Variants in NSUN7 observed in about 807,000 individuals in gnomAD.
The protein encoded by NSUN7 is protein NSUN7.
Under a neutral mutation model 58.5 loss-of-function variants are expected in NSUN7, and 39 were observed. The observed-to-expected ratio is 0.67, with a 90% confidence interval of 0.52 to 0.87. The LOEUF (loss-of-function observed/expected upper bound fraction) is 0.87, where lower values mean the gene tolerates loss of function less well. Among genes scored for constraint, NSUN7 ranks in the 40% least tolerant of loss-of-function variants. NSUN7 has a pLI of 0.00. For synonymous variants in NSUN7, 278 were observed against 303.7 expected (o/e 0.92, Z 0.88); for missense variants, 765 against 844.1 (o/e 0.91, Z 1.16).
rs544748793 is a variant in NSUN7 at position 40,797,630 on chromosome 4, C to T, written c.1283-1157C>T. 2.0e-5 allele frequency among the ~76,000 whole-genome samples: 3 copies of T among 152,326 alleles called. No homozygotes were observed. The South Asian group carries it at 6.2e-4, about 32-fold the overall frequency. On this transcript the variant is annotated intron_variant, in intron 9 of 11. Transcript: ENST00000381782. The stretch of plus-strand genomic sequence containing the variant: ...TTATATCCAGAATATATCCAGCTAC[C>T]TCCACCACTACCACGGTGTCCAAAC...
chr4:40,760,589 G>A (rs529945145), intron 3 of NSUN7, 97 bp downstream of exon 3: 37 of 969,162 alleles, frequency 3.8e-5, no homozygotes, highest in Admixed American at 9.7e-5. Flanking sequence ...GAGGCCGGGC[G>A]CAGTGGCTCA....
At chr4:40,797,146 C>T (rs568626363) in intron 9 of NSUN7, among the ~76,000 whole-genome samples, 1 of 152,314 alleles carries the variant, frequency 6.6e-6, no homozygotes, top group South Asian at 2.1e-4. Flanking sequence ...CAGGCCTTCT[C>T]TCTGGCCTCC....
intron 7 of NSUN7, among the ~76,000 whole-genome samples, chr4:40,780,062 C>T (rs1309533061): frequency 3.9e-5 from 6 of 152,138 alleles, no homozygotes; most frequent in African/African-American, 1.4e-4. Flanking sequence ...AGGAGGATCA[C>T]CTGCGGCCAG....
intron 4 of NSUN7, among the ~76,000 whole-genome samples, chr4:40,765,564 G>A (rs1470431683): frequency 2.0e-5 from 3 of 151,972 alleles, no homozygotes; most frequent in Non-Finnish European, 2.9e-5. Flanking sequence ...GGCGATGTGG[G>A]CTCTTTTTTG....
At chr4:40,767,577 G>T (rs985439161) in intron 4 of NSUN7, among the ~76,000 whole-genome samples, 1 of 152,168 alleles carries the variant, frequency 6.6e-6, no homozygotes, top group Non-Finnish European at 1.5e-5. Context: ...GGGGTGGAGA[G>T]TTCTGTAGAT....
Position 40,790,719 on chromosome 4 carries a change from T to C in NSUN7, c.1154T>C (p.Val385Ala). 5.1e-6 allele frequency: 8 copies of C among 1,583,194 alleles called. No homozygotes were observed. The highest frequency in any genetic ancestry group is 6.0e-6 in the Non-Finnish European group (7 of 1,169,672). ...RCSGLGVSNPVEFILNEHEDT... is the reference protein window; with the variant it reads ...RCSGLGVSNPAEFILNEHEDT... ...TCAGGACTGGGTGTTAGTAATCCAGTAGAATTTATTTTAAATGAACATGAA... is the reference window on the plus strand; with the variant it reads ...TCAGGACTGGGTGTTAGTAATCCAGCAGAATTTATTTTAAATGAACATGAA... The change falls in exon 8 of 12, where the codon GTA becomes GCA. Residue 385 changes from valine (V) to alanine (A), a missense_variant. Val to Ala is a moderately conservative substitution (Grantham distance 64). Coordinates refer to ENST00000381782, the MANE Select transcript of NSUN7 (RefSeq NM_024677.6).
Position 40,799,073 on chromosome 4 carries a change from CTTTT to C in NSUN7, c.1400+195_1400+198del, listed in dbSNP as rs761448412. Among the ~76,000 whole-genome samples, 23 of 76,246 alleles carry C rather than the reference CTTTT, an allele frequency of 3.0e-4. 1 individual carries two copies. In the South Asian group the frequency reaches 3.6e-3, roughly 12 times the overall value. 50.0% of individuals were successfully genotyped at this position (76,246 alleles called of 152,430 possible). A position where few individuals can be genotyped will look rare whatever the true frequency, so the allele number is the denominator to read the frequency against. ...AACCAAGATTCCATAGGGCCTTTTT[CTTTT>C]TTTTTTTTTTTTTTTTTTTTTTTTT... is the stretch of plus-strand genomic sequence containing the variant. On this transcript the variant is annotated intron_variant, in intron 10 of 11. Coordinates refer to ENST00000381782, the MANE Select transcript of NSUN7 (RefSeq NM_024677.6).
chr4:40,770,410 T>C (rs1449187960), intron 4 of NSUN7, among the ~76,000 whole-genome samples: 3 of 152,130 alleles, frequency 2.0e-5, no homozygotes, highest in African/African-American at 7.2e-5. Flanking sequence ...CTGCACAGCA[T>C]GTTATGTACT....
At chr4:40,798,764 C>T (rs920848096) in intron 9 of NSUN7, 23 bp from the exon 10 acceptor site, 2 of 1,306,978 alleles carry the variant, frequency 1.5e-6, no homozygotes, top group Non-Finnish European at 2.2e-6. Flanking sequence ...TTGTTACAGT[C>T]ATTGCATCTT....
chr4:40,757,683 TAC>T (rs1207336811), intron 2 of NSUN7, among the ~76,000 whole-genome samples: 1 of 143,440 alleles, frequency 7.0e-6, no homozygotes, highest in African/African-American at 2.6e-5. Flanking sequence ...TGTATATATA[TAC>T]ACACTGTGTA....
intron 7 of NSUN7, among the ~76,000 whole-genome samples, chr4:40,780,712 A>G (rs1022389545): frequency 7.3e-5 from 11 of 150,496 alleles, no homozygotes; most frequent in African/African-American, 2.7e-4. Flanking sequence ...GCTTACATAC[A>G]TTATATACAT....
intron 7 of NSUN7, among the ~76,000 whole-genome samples, chr4:40,789,315 A>G: frequency 6.6e-6 from 1 of 152,226 alleles, no homozygotes; most frequent in South Asian, 2.1e-4. Flanking sequence ...TTAAGAAAAA[A>G]TGAAGGGAGA....
chr4:40,768,654 T>TTTC (rs1741852216), intron 4 of NSUN7, among the ~76,000 whole-genome samples: 3 of 152,332 alleles, frequency 2.0e-5, no homozygotes, highest in Non-Finnish European at 4.4e-5. Context: ...CATGTATCTT[T>TTTC]TTCTTCACTT....
intron 10 of NSUN7, among the ~76,000 whole-genome samples, chr4:40,805,053 G>A (rs1233532905): frequency 1.3e-5 from 2 of 152,046 alleles, no homozygotes; most frequent in African/African-American, 4.8e-5. Context: ...CCACGGCAGC[G>A]AGCTCACTTC....
intron 7 of NSUN7, among the ~76,000 whole-genome samples, chr4:40,781,073 A>G (rs1402510157): frequency 6.7e-6 from 1 of 148,336 alleles, no homozygotes; most frequent in Non-Finnish European, 1.5e-5. Context: ...CCGCCTCGGC[A>G]TATATATATA....
chr4:40,766,477 G>A (rs1285085266), intron 4 of NSUN7, among the ~76,000 whole-genome samples: 6 of 151,768 alleles, frequency 4.0e-5, no homozygotes, highest in African/African-American at 7.3e-5. Flanking sequence ...TGCTGGATTC[G>A]GTTTGCCAGT....
In NSUN7 at chr4:40,790,733, AATGAAC is replaced by A. The variant is rs1332938770; in HGVS notation, c.1174_1179del (p.His392_Glu393del). The A allele has an allele frequency of 6.3e-7, 1 of 1,580,152 alleles. No homozygotes were observed. Among genetic ancestry groups the A allele is most frequent in the Non-Finnish European group, 8.6e-7 (1 of 1,168,342 alleles). On this transcript the variant is annotated inframe_deletion, in exon 8 of 12. Coordinates refer to ENST00000381782, the MANE Select transcript of NSUN7 (RefSeq NM_024677.6). ...TAGTAATCCAGTAGAATTTATTTTA[AATGAAC>A]ATGAAGGTACTTGTTTTAATTTCTA...
chr4:40,757,750 A>G (rs1741240950), intron 2 of NSUN7, among the ~76,000 whole-genome samples: 1 of 146,652 alleles, frequency 6.8e-6, no homozygotes, highest in East Asian at 2.0e-4. Flanking sequence ...ACACACACAC[A>G]TACATACACA....
rs765371949 is a variant in NSUN7, at chr4:40,794,435, T to C, written c.1241T>C (p.Leu414Pro). Residue 414 changes from leucine to proline, a missense_variant, in exon 9 of 12, where the codon CTT (leucine) becomes CCT (proline). Transcript: ENST00000381782. ...GGISVDKLHV[L>P]AQQQYEQLTH... ...ATCTCAGTGGACAAACTTCACGTTC[T>C]TGCTCAACAGCAGTATGAACAGCTA... The C allele has an allele frequency of 1.9e-6, 3 of 1,612,580 alleles. No individual in the cohort carries two copies. In the East Asian group the frequency reaches 6.7e-5, roughly 36 times the overall value.
Sources: gnomAD v4.1 joint callset for allele counts (sites outside exome capture counted in the v4.1 genomes callset) on GRCh38, gnomAD v4.1.1 for gene constraint, MANE v1.5 for transcripts, NCBI Gene and HGNC (gene_info 2026-07-23, HGNC 2026-07-21) for gene names.